PDE1C: variants seen among roughly 807,000 people sequenced by gnomAD.
PDE1C encodes phosphodiesterase 1C.
In PDE1C, 62 loss-of-function variants were observed where a neutral mutation model predicts 93.1. That is an observed-to-expected ratio of 0.67 (90% CI 0.54 to 0.82). The LOEUF is 0.82. Ranked by LOEUF, PDE1C falls within the 40% of genes least tolerant of loss-of-function variation. The pLI is 0.00. For synonymous variants in PDE1C, 325 were observed against 310.1 expected, an observed-to-expected ratio of 1.05 and a Z score of -0.50; for missense variants, 742 against 884.6, an observed-to-expected ratio of 0.84 and a Z score of 2.04.
At chr7:32,081,970 G>A (rs1264735657) in intron 3 of PDE1C, among the ~76,000 whole-genome samples, 1 of 152,202 alleles carries the variant, frequency 6.6e-6, no homozygotes, top group African/African-American at 2.4e-5. Flanking sequence ...TCCATCTGAG[G>A]TACCAGGTTC....
intron 2 of PDE1C, among the ~76,000 whole-genome samples, chr7:32,021,307 TC>T (rs950283625): frequency 1.3e-5 from 2 of 152,112 alleles, no homozygotes; most frequent in African/African-American, 4.8e-5. Context: ...TTCCCTAAAA[TC>T]CAGGGCATTG....
At chr7:31,963,247 A>T (rs73686858) in intron 2 of PDE1C, among the ~76,000 whole-genome samples, 4,014 of 152,052 alleles carry the variant, frequency 0.026, 166 homozygotes, top group African/African-American at 0.088. Flanking sequence ...AGTCTTATTT[A>T]AAAAAAAGGT....
At chr7:31,773,111 T>C (rs1205950704) in intron 17 of PDE1C, among the ~76,000 whole-genome samples, 3 of 152,234 alleles carry the variant, frequency 2.0e-5, no homozygotes, top group African/African-American at 7.2e-5. Flanking sequence ...TGTCCTGTAG[T>C]GTCAATCTGC....
At chr7:32,209,873 G>A (rs549089143) in intron 1 of PDE1C, among the ~76,000 whole-genome samples, 6 of 152,270 alleles carry the variant, frequency 3.9e-5, no homozygotes, top group African/African-American at 4.8e-5. Flanking sequence ...GCTAGTGGAC[G>A]TCCTTTGGCC....
At chr7:31,847,829 G>C (rs1156444715) in intron 9 of PDE1C, 139 bp downstream of exon 9, 1 of 802,992 alleles carries the variant, frequency 1.2e-6, no homozygotes, top group African/African-American at 1.7e-5. Flanking sequence ...GAGAGGGTGA[G>C]AGTGAGAGAA....
At position 31,826,208 on chromosome 7, in the gene PDE1C, T is replaced by C. The variant is rs570437379; in HGVS notation, c.1286-1221A>G. On this transcript the variant is annotated intron_variant, in intron 12 of 17. Transcript: ENST00000396191. ...CTCCTTCGAAGGGCATGTTTGGAAA[T>C]GTATGAATGCATATTTAGTTTTCAC... Among the ~76,000 whole-genome samples, 206 of 152,256 alleles carry C rather than the reference T, an allele frequency of 1.4e-3. 1 individual carries two copies. The highest frequency in any genetic ancestry group is 4.7e-3 in the African/African-American group (196 of 41,554).
At chr7:32,259,612 G>A (rs1322133299) in intron 1 of PDE1C, among the ~76,000 whole-genome samples, 1 of 152,036 alleles carries the variant, frequency 6.6e-6, no homozygotes, top group Non-Finnish European at 1.5e-5. Flanking sequence ...CACTACCCTG[G>A]GCTGAAATTT....
rs778393410 is a variant in PDE1C at position 32,369,021 on chromosome 7, A to G, written c.310+58801T>C. On this transcript the variant is annotated intron_variant, in intron 1 of 1. Transcript: ENST00000672256. The stretch of plus-strand genomic sequence containing the variant: ...AATGGATCAAAGACCTAAATGTAAT[A>G]CCCAAAACTGTAAAACTACTAGAAG... Among the ~76,000 whole-genome samples, 53 of 152,328 alleles carry G rather than the reference A, an allele frequency of 3.5e-4. 1 individual carries two copies. Among genetic ancestry groups the G allele is most frequent in the South Asian group, 1.9e-3 (9 of 4,830 alleles).
intron 1 of PDE1C, among the ~76,000 whole-genome samples, chr7:32,236,558 ACAT>A (rs1225316493): frequency 6.6e-6 from 1 of 152,212 alleles, no homozygotes; most frequent in Middle Eastern, 3.2e-3. Flanking sequence ...AAGATGTTAA[ACAT>A]CATTATCTAT....
chr7:31,713,254 C>T, the PDE1C span, among the ~76,000 whole-genome samples: 2 of 152,200 alleles, frequency 1.3e-5, no homozygotes, highest in Admixed American at 1.3e-4. Context: ...AACAAAGGTG[C>T]TCCAGGGCCC....
intron 2 of PDE1C, among the ~76,000 whole-genome samples, chr7:31,935,688 G>A (rs1039321746): frequency 1.4e-4 from 21 of 152,174 alleles, no homozygotes; most frequent in Admixed American, 3.3e-4. Context: ...TCCGGTCAGC[G>A]TAACTAACAT....
the PDE1C span, chr7:31,643,646 AT>A: frequency 7.7e-4 from 1,238 of 1,613,938 alleles, 1 homozygote; most frequent in Non-Finnish European, 9.8e-4. Flanking sequence ...CAGTTAAATG[AT>A]GCTTCCATTC....
chr7:31,634,489 C>G, the PDE1C span, among the ~76,000 whole-genome samples: 44 of 152,068 alleles, frequency 2.9e-4, no homozygotes, highest in Non-Finnish European at 4.3e-4. Context: ...GGGACAGACT[C>G]AGAGAGAGTA....
chr7:31,717,506 A>C, the PDE1C span, among the ~76,000 whole-genome samples: 1,736 of 152,302 alleles, frequency 0.011, 18 homozygotes, highest in Non-Finnish European at 0.015. Context: ...ATTGCATCTC[A>C]TCAGTGGACA....
chr7:31,695,490 T>C, the PDE1C span: 4 of 1,611,238 alleles, frequency 2.5e-6, no homozygotes, highest in Middle Eastern at 5.0e-4. Flanking sequence ...GACCAGTTCA[T>C]TAAGGACTGT....
intron 1 of PDE1C, among the ~76,000 whole-genome samples, chr7:32,283,189 T>C (rs1811784787): frequency 6.6e-6 from 1 of 152,180 alleles, no homozygotes; most frequent in Non-Finnish European, 1.5e-5. Flanking sequence ...GCTAAATCAA[T>C]CGTGATACCT....
chr7:31,787,667 C>T (rs184804295), intron 16 of PDE1C: 2 of 152,268 alleles, frequency 1.3e-5, no homozygotes, highest in Admixed American at 1.3e-4. Flanking sequence ...TAAGCCCTTG[C>T]TCTGTGTGTG....
rs565934078 is a variant in PDE1C at position 31,861,627 on chromosome 7, C to T, written c.750+3315G>A. ...AATCTAAGATGTATTCTCGATTCCC[C>T]TCTTTAATGTTCCAAATCCTATTCA... On this transcript the variant is annotated intron_variant, in intron 7 of 17. Coordinates refer to ENST00000396191, the MANE Select transcript of PDE1C (RefSeq NM_001191057.4). 6.6e-5 allele frequency among the ~76,000 whole-genome samples: 10 copies of T among 152,232 alleles called. No homozygotes were observed. In the South Asian group the frequency reaches 2.1e-3, roughly 32 times the overall value.
chr7:31,843,544 A>G (rs536014818), intron 9 of PDE1C, among the ~76,000 whole-genome samples: 1 of 151,960 alleles, frequency 6.6e-6, no homozygotes, highest in East Asian at 1.9e-4. Context: ...TACATCTTAC[A>G]TACTTTTACT....
Sources: gnomAD v4.1 joint callset for allele counts (sites outside exome capture counted in the v4.1 genomes callset) on GRCh38, gnomAD v4.1.1 for gene constraint, MANE v1.5 for transcripts, NCBI Gene and HGNC (gene_info 2026-07-23, HGNC 2026-07-21) for gene names.